Variants in GRIP2 observed in about 807,000 individuals in gnomAD.
GRIP2 encodes the protein glutamate receptor-interacting protein 2.
Under a neutral mutation model 108.3 loss-of-function variants are expected in GRIP2, and 58 were observed. That is an observed-to-expected ratio of 0.54 (90% CI 0.43 to 0.67). GRIP2 has a LOEUF of 0.67. Among genes scored for constraint, GRIP2 ranks in the 30% least tolerant of loss-of-function variants. The pLI, the probability that GRIP2 is intolerant of heterozygous loss-of-function variation, is 0.00. For synonymous variants in GRIP2, 586 were observed against 598.2 expected, an observed-to-expected ratio of 0.98 and a Z score of 0.30; for missense variants, 1,278 against 1,430.6, an observed-to-expected ratio of 0.89 and a Z score of 1.72.
intron 21 of GRIP2, among the ~76,000 whole-genome samples, chr3:14,497,334 C>T (rs1287479066): frequency 2.0e-5 from 3 of 152,180 alleles, no homozygotes; most frequent in Non-Finnish European, 4.4e-5. Context: ...TAAAATTATG[C>T]ACTGCAGTAA....
intron 7 of GRIP2, 138 bp from the exon 8 acceptor site, chr3:14,520,675 C>A (rs1427847318): frequency 6.1e-6 from 5 of 826,366 alleles, no homozygotes; most frequent in Admixed American, 5.7e-5. Flanking sequence ...TTTTTTATTC[C>A]TTTTCTTTCT....
chr3:14,578,868 C>T, the GRIP2 span, among the ~76,000 whole-genome samples: 42 of 146,980 alleles, frequency 2.9e-4, 1 homozygote, highest in East Asian at 7.8e-3. Context: ...TTCTCTCTCT[C>T]TCTGGCCCTC....
At chr3:14,555,788 C>G (rs912287554) in intron 1 of GRIP2, 1 of 399,326 alleles carries the variant, frequency 2.5e-6, no homozygotes, top group Non-Finnish European at 4.4e-6. Context: ...GCAGAGAAAC[C>G]CAAAAGGCTC....
At chr3:14,571,001 G>C in the GRIP2 span, among the ~76,000 whole-genome samples, 1 of 152,118 alleles carries the variant, frequency 6.6e-6, no homozygotes, top group Non-Finnish European at 1.5e-5. Context: ...TGCACTGCAG[G>C]GTGTTGGCAG....
chr3:14,507,705 G>C lies in GRIP2; in HGVS notation c.2079-5C>G. The stretch of plus-strand genomic sequence containing the variant: ...CCCACGTGGATGGCACCAGTCCTGA[G>C]GAGTGGATGCAGGGCAGAGAATGGG... On this transcript the variant is annotated splice_region_variant and splice_polypyrimidine_tract_variant and intron_variant, in intron 17 of 23. Coordinates refer to ENST00000621039, the MANE Select transcript of GRIP2 (RefSeq NM_001080423.4). This position sits in a 1 kb window ranked among gnomAD's most constrained non-coding sequence, Gnocchi z 4.6. 1 of 1,613,270 alleles carries C rather than the reference G, an allele frequency of 6.2e-7. No homozygotes were observed. The highest frequency in any genetic ancestry group is 8.5e-7 in the Non-Finnish European group (1 of 1,179,230).
At position 14,521,808 on chromosome 3, in the gene GRIP2, C is replaced by T; in HGVS notation, c.567-21G>A. 1.9e-6 allele frequency: 3 copies of T among 1,561,124 alleles called. No homozygotes were observed. Among genetic ancestry groups the T allele is most frequent in the Non-Finnish European group, 2.6e-6 (3 of 1,153,734 alleles). Reference sequence around the variant, plus strand: ...CCTCCCTGTAGGGAAGGGCCAGTCACCAGCCTGGCCCGGCAGCAGCACTGG... The same window carrying T: ...CCTCCCTGTAGGGAAGGGCCAGTCATCAGCCTGGCCCGGCAGCAGCACTGG... On this transcript the variant is annotated intron_variant, in intron 6 of 23. Coordinates refer to ENST00000621039, the MANE Select transcript of GRIP2 (RefSeq NM_001080423.4). The surrounding 1 kb of genome is among the most constrained non-coding windows in gnomAD (Gnocchi z 5.1).
At chr3:14,582,050 T>C in the GRIP2 span, among the ~76,000 whole-genome samples, 1 of 152,106 alleles carries the variant, frequency 6.6e-6, no homozygotes, top group Non-Finnish European at 1.5e-5. Context: ...AGACGAGAGA[T>C]ACTGGTCAGG....
In GRIP2 at chr3:14,521,768, C is replaced by T; in HGVS notation, c.586G>A (p.Gly196Ser). Residue 196 changes from glycine to serine, a missense_variant, in exon 7 of 24, where the codon GGC (glycine) becomes AGC (serine). Coordinates refer to ENST00000621039, the MANE Select transcript of GRIP2 (RefSeq NM_001080423.4). The surrounding 1 kb of genome is among the most constrained non-coding windows in gnomAD (Gnocchi z 5.1). ...PADREGSLKVGDRLLSVDGIP... is the reference protein window; with the variant it reads ...PADREGSLKVSDRLLSVDGIP... ...CCATCGACACTGAGCAGCCTGTCGC[C>T]CACCTTCAGGGAGCCCTCCCTGTAG... The T allele has an allele frequency of 6.2e-7, 1 of 1,604,154 alleles. No homozygotes were observed. Among genetic ancestry groups the T allele is most frequent in the Non-Finnish European group, 8.5e-7 (1 of 1,175,950 alleles).
At chr3:14,576,662 G>A in the GRIP2 span, among the ~76,000 whole-genome samples, 5 of 152,170 alleles carry the variant, frequency 3.3e-5, no homozygotes, top group East Asian at 1.9e-4. Flanking sequence ...CCTGACCGTC[G>A]GGCAACACCG....
upstream of GRIP2, among the ~76,000 whole-genome samples, chr3:14,542,429 T>C (rs1272804424): frequency 6.6e-6 from 1 of 152,180 alleles, no homozygotes; most frequent in Non-Finnish European, 1.5e-5. Flanking sequence ...TACAGGTGCA[T>C]TTAAATGAGT....
chr3:14,540,143 C>A lies in GRIP2; in HGVS notation c.40+126G>T. 1 of 1,248,016 alleles carries A rather than the reference C, an allele frequency of 8.0e-7. No individual in the cohort carries two copies. The highest frequency in any genetic ancestry group is 2.3e-5 in the Admixed American group (1 of 43,132). The allele number at this position is 1,248,016 out of a possible 1,614,324, so 77.3% of individuals were successfully genotyped here. ...AGTGTCCTGCCCCACCCTCCCCAAG[C>A]CCTGGGTCTCCAGGGAGTGGCAGTC... is the stretch of plus-strand genomic sequence containing the variant. On this transcript the variant is annotated intron_variant, in intron 1 of 23. Transcript: ENST00000621039. The surrounding 1 kb of genome is among the most constrained non-coding windows in gnomAD (Gnocchi z 4.1).
intron 17 of GRIP2, among the ~76,000 whole-genome samples, chr3:14,508,390 A>G (rs1024873483): frequency 1.3e-5 from 2 of 152,192 alleles, no homozygotes; most frequent in South Asian, 4.1e-4. Flanking sequence ...CAGGAAGGTG[A>G]TTCTGAGGAG....
At chr3:14,499,909 CAT>C (rs1349646152) in intron 21 of GRIP2, among the ~76,000 whole-genome samples, 3 of 152,110 alleles carry the variant, frequency 2.0e-5, no homozygotes, top group Non-Finnish European at 4.4e-5. Context: ...ACAAAAATCT[CAT>C]AATGTTTTAA....
upstream of GRIP2, among the ~76,000 whole-genome samples, chr3:14,544,425 CTG>C (rs1695026895): frequency 6.6e-6 from 1 of 152,180 alleles, no homozygotes; most frequent in Non-Finnish European, 1.5e-5. Flanking sequence ...GATGGGAAAA[CTG>C]AGACCCACAG....
chr3:14,554,236 A>G (rs1695198296), intron 1 of GRIP2, among the ~76,000 whole-genome samples: 1 of 152,200 alleles, frequency 6.6e-6, no homozygotes, highest in Admixed American at 6.5e-5. Flanking sequence ...AGCCAGAACA[A>G]GATTTGAACC....
chr3:14,519,719 T>G (rs370733453), intron 9 of GRIP2, among the ~76,000 whole-genome samples: 2 of 152,112 alleles, frequency 1.3e-5, no homozygotes, highest in South Asian at 4.2e-4. Flanking sequence ...AAGGAGAAAC[T>G]CCAGGCCCTC....
upstream of GRIP2, among the ~76,000 whole-genome samples, chr3:14,559,136 G>A (rs532590344): frequency 6.6e-6 from 1 of 152,320 alleles, no homozygotes; most frequent in South Asian, 2.1e-4. Flanking sequence ...TTACCTGACT[G>A]AGCCTCAGTT....
At chr3:14,590,612 C>G in the GRIP2 span, among the ~76,000 whole-genome samples, 1 of 152,214 alleles carries the variant, frequency 6.6e-6, no homozygotes, top group African/African-American at 2.4e-5. Context: ...AGGGGTCGCC[C>G]TGCCTCCACT....
the GRIP2 span, among the ~76,000 whole-genome samples, chr3:14,584,362 G>A: frequency 6.6e-6 from 1 of 152,268 alleles, no homozygotes; most frequent in African/African-American, 2.4e-5. Flanking sequence ...TCCAAGTCCT[G>A]AGTGTCCTTC....
Sources: gnomAD v4.1 joint callset for allele counts (sites outside exome capture counted in the v4.1 genomes callset) on GRCh38, gnomAD v4.1.1 for gene constraint, Gnocchi (gnomAD v3.1) non-coding constraint, MANE v1.5 for transcripts, NCBI Gene and HGNC (gene_info 2026-07-23, HGNC 2026-07-21) for gene names.